PEAK1: variants seen among roughly 807,000 people sequenced by gnomAD.
The protein encoded by PEAK1 is pseudopodium enriched atypical kinase 1, also known as inactive tyrosine-protein kinase PEAK1.
A neutral mutation model predicts 124.7 loss-of-function variants in PEAK1; 54 were observed. That is an observed-to-expected ratio of 0.43 (90% CI 0.35 to 0.54). The LOEUF (loss-of-function observed/expected upper bound fraction) is 0.54. Among genes scored for constraint, PEAK1 ranks in the 20% least tolerant of loss-of-function variants. The pLI, the probability that PEAK1 is intolerant of heterozygous loss-of-function variation, is 0.01. For synonymous variants in PEAK1, 719 were observed against 760.0 expected (o/e 0.95, Z 0.89); for missense variants, 2,046 against 2,134.5 (o/e 0.96, Z 0.82).
chr15:77,292,613 C>T (rs1361362353), intron 2 of PEAK1, among the ~76,000 whole-genome samples: 2 of 152,044 alleles, frequency 1.3e-5, no homozygotes, highest in Non-Finnish European at 2.9e-5. Context: ...CCTTGTCCAA[C>T]TACAGCTGAG....
chr15:77,399,953 C>G (rs2071215223), intron 1 of PEAK1, among the ~76,000 whole-genome samples: 1 of 152,022 alleles, frequency 6.6e-6, no homozygotes, highest in Non-Finnish European at 1.5e-5. Context: ...AGAAGGAGCT[C>G]AAACAACTCT....
chr15:77,140,552 T>C (rs1341661840), intron 8 of PEAK1, among the ~76,000 whole-genome samples: 2 of 152,054 alleles, frequency 1.3e-5, no homozygotes, highest in Non-Finnish European at 2.9e-5. Flanking sequence ...CACCTTTCCA[T>C]AATAATAATA....
intron 2 of PEAK1, among the ~76,000 whole-genome samples, chr15:77,328,664 G>C (rs1175273865): frequency 1.3e-5 from 2 of 152,172 alleles, no homozygotes; most frequent in Non-Finnish European, 2.9e-5. Flanking sequence ...ACATGACAAT[G>C]TTGGGATTCA....
Position 77,133,785 on chromosome 15 carries a change from T to C in PEAK1, c.3332-35A>G. ...TTTTAAAGCAATAAAAAGAAAAGAG[T>C]AAGTAAAGTTTTCAATCTAATTTTA... On this transcript the variant is annotated intron_variant, in intron 8 of 9. Transcript: ENST00000682557. This position sits in a 1 kb window ranked among gnomAD's most constrained non-coding sequence, Gnocchi z 4.2. 6.6e-7 allele frequency: 1 copy of C among 1,508,784 alleles called. No individual in the cohort carries two copies. Among genetic ancestry groups the C allele is most frequent in the Non-Finnish European group, 8.8e-7 (1 of 1,132,028 alleles). The allele number at this position is 1,508,784 out of a possible 1,614,324, so 93.5% of individuals were successfully genotyped here. A position where few individuals can be genotyped will look rare whatever the true frequency, so the allele number is the denominator to read the frequency against.
chr15:77,264,005 C>G (rs1429148560), intron 5 of PEAK1, among the ~76,000 whole-genome samples: 1 of 152,080 alleles, frequency 6.6e-6, no homozygotes, highest in Non-Finnish European at 1.5e-5. Context: ...ACGACAAAAA[C>G]CACGATTATC....
chr15:77,165,297 C>T (rs1466522642), intron 7 of PEAK1, among the ~76,000 whole-genome samples: 2 of 151,210 alleles, frequency 1.3e-5, no homozygotes, highest in African/African-American at 4.9e-5. Flanking sequence ...CGGGTTCAAG[C>T]GATTCGTCTG....
chr15:77,138,462 TACTTA>T (rs1212153643), intron 8 of PEAK1, among the ~76,000 whole-genome samples: 2 of 152,224 alleles, frequency 1.3e-5, no homozygotes, highest in Admixed American at 6.5e-5. Context: ...AACCTTAGCT[TACTTA>T]ACTTTTTAAC....
intron 7 of PEAK1, among the ~76,000 whole-genome samples, chr15:77,169,478 C>G (rs1308599349): frequency 6.6e-6 from 1 of 152,134 alleles, no homozygotes; most frequent in Non-Finnish European, 1.5e-5. Context: ...CTAAGATAAC[C>G]ATGATTTTAG....
intron 2 of PEAK1, chr15:77,331,118 G>A (rs1053996887): frequency 4.8e-6 from 3 of 621,616 alleles, no homozygotes; most frequent in South Asian, 7.3e-5. Flanking sequence ...ATTTTATTAT[G>A]TTTAAAATTT....
intron 2 of PEAK1, among the ~76,000 whole-genome samples, chr15:77,318,001 G>C (rs1024352040): frequency 1.3e-5 from 2 of 152,166 alleles, no homozygotes; most frequent in Non-Finnish European, 2.9e-5. Context: ...ATGGAAAGCA[G>C]ATTAATGGTT....
intron 2 of PEAK1, among the ~76,000 whole-genome samples, chr15:77,325,278 C>T (rs1033145727): frequency 4.6e-5 from 7 of 151,988 alleles, no homozygotes; most frequent in Admixed American, 4.6e-4. Flanking sequence ...GGTGTGGTGG[C>T]ACACACCTGT....
At position 77,181,077 on chromosome 15, in the gene PEAK1, G is replaced by T; in HGVS notation, c.850C>A (p.Arg284=). Residue 284 remains arginine (R), a synonymous_variant, in exon 7 of 10, where the codon CGA becomes AGA. Transcript: ENST00000682557. ...TTCCATTTTTTGTCCACAAAGAATCGAACAGGAGACAATGTGTTTGCTCTG... is the reference window on the plus strand; with the variant it reads ...TTCCATTTTTTGTCCACAAAGAATCTAACAGGAGACAATGTGTTTGCTCTG... ...NFRANTLSPV[R]FFVDKKWNTI... is the part of the protein sequence containing the mutation. 1 of 1,614,136 alleles carries T rather than the reference G, an allele frequency of 6.2e-7. No homozygotes were observed. The highest frequency in any genetic ancestry group is 8.5e-7 in the Non-Finnish European group (1 of 1,180,006).
At chr15:77,106,280 T>C (rs2050750019), downstream of PEAK1, 1 of 152,206 alleles carries the variant, frequency 6.6e-6, no homozygotes, top group African/African-American at 2.4e-5. Flanking sequence ...CAACTCAAAA[T>C]TACGGTTTCC....
At chr15:77,277,718 A>G (rs887182399) in intron 5 of PEAK1, among the ~76,000 whole-genome samples, 2 of 152,204 alleles carry the variant, frequency 1.3e-5, no homozygotes, top group African/African-American at 4.8e-5. Flanking sequence ...AACTTTATTC[A>G]TAACAGATAA....
chr15:77,283,453 T>C lies in PEAK1; in HGVS notation c.-275+430A>G, dbSNP rs2062770717. Reference sequence around the variant, plus strand: ...AGTTTCTTTTAAAGGAAAGACAATTTAGAAAAAAAAATTGTACAAGAAAAA... The same window carrying C: ...AGTTTCTTTTAAAGGAAAGACAATTCAGAAAAAAAAATTGTACAAGAAAAA... On this transcript the variant is annotated intron_variant, in intron 5 of 9. Transcript: ENST00000682557. 3.3e-5 allele frequency among the ~76,000 whole-genome samples: 5 copies of C among 151,864 alleles called. No homozygotes were observed. The South Asian group carries it at 1.0e-3, about 31-fold the overall frequency.
intron 2 of PEAK1, chr15:77,346,829 AG>A (rs2066900647): frequency 1.3e-6 from 1 of 758,188 alleles, no homozygotes; most frequent in Non-Finnish European, 1.6e-6. Flanking sequence ...TAGGTGCTAG[AG>A]ATACAGCAGT....
intron 2 of PEAK1, among the ~76,000 whole-genome samples, chr15:77,324,903 G>C (rs1041387253): frequency 1.3e-5 from 2 of 152,040 alleles, no homozygotes; most frequent in Admixed American, 6.6e-5. Flanking sequence ...GATTTGGATG[G>C]GGACACAGAT....
chr15:77,283,100 T>C (rs1458799420), intron 5 of PEAK1, among the ~76,000 whole-genome samples: 7 of 152,124 alleles, frequency 4.6e-5, no homozygotes, highest in Non-Finnish European at 1.0e-4. Context: ...GGAAAGAACA[T>C]CAGCAGCTGG....
intron 8 of PEAK1, among the ~76,000 whole-genome samples, chr15:77,136,747 C>T (rs139687945): frequency 2.0e-5 from 3 of 152,192 alleles, no homozygotes; most frequent in South Asian, 2.1e-4. Flanking sequence ...AAATAAAATA[C>T]CATTTTTCTG....
Sources: gnomAD v4.1 joint callset for allele counts (sites outside exome capture counted in the v4.1 genomes callset) on GRCh38, gnomAD v4.1.1 for gene constraint, Gnocchi (gnomAD v3.1) non-coding constraint, MANE v1.5 for transcripts, NCBI Gene and HGNC (gene_info 2026-07-23, HGNC 2026-07-21) for gene names.